TAF3: variants seen among roughly 807,000 people sequenced by gnomAD.
The protein encoded by TAF3 is transcription initiation factor TFIID subunit 3.
TAF3 carries 7 observed loss-of-function variants against 80.6 expected under a neutral mutation model. That is an observed-to-expected ratio of 0.09 (90% CI 0.05 to 0.16). TAF3 has a LOEUF of 0.16. Ranked by LOEUF, TAF3 falls within the 10% of genes least tolerant of loss-of-function variation. The pLI is 1.00. For missense variants in TAF3, 921 were observed against 1,140.2 expected, an observed-to-expected ratio of 0.81 and a Z score of 2.77; for synonymous variants, 444 against 446.1, an observed-to-expected ratio of 1.00 and a Z score of 0.06.
chr10:7,896,289 G>A (rs541835643), intron 2 of TAF3, among the ~76,000 whole-genome samples: 49 of 152,258 alleles, frequency 3.2e-4, no homozygotes, highest in Non-Finnish European at 5.6e-4. Flanking sequence ...GGGGGAAAAC[G>A]TAGACCAAAA....
intron 4 of TAF3, among the ~76,000 whole-genome samples, chr10:7,989,424 A>G (rs994638832): frequency 6.6e-6 from 1 of 152,188 alleles, no homozygotes; most frequent in East Asian, 1.9e-4. Flanking sequence ...GTTTACTTAT[A>G]TATATTTCAC....
At chr10:7,892,282 G>A (rs1336618733) in intron 2 of TAF3, among the ~76,000 whole-genome samples, 3 of 152,196 alleles carry the variant, frequency 2.0e-5, no homozygotes, top group Non-Finnish European at 4.4e-5. Flanking sequence ...TTTAGCATGT[G>A]CTGCCTGTTG....
At chr10:7,928,636 G>A (rs967618926) in intron 2 of TAF3, among the ~76,000 whole-genome samples, 1 of 152,134 alleles carries the variant, frequency 6.6e-6, no homozygotes, top group Non-Finnish European at 1.5e-5. Flanking sequence ...TTGTGTTGGC[G>A]ATTTAGAACA....
intron 2 of TAF3, among the ~76,000 whole-genome samples, chr10:7,832,067 A>C (rs1836806946): frequency 6.6e-6 from 1 of 152,150 alleles, no homozygotes; most frequent in Non-Finnish European, 1.5e-5. Context: ...TACTCTCTTA[A>C]TGATTTTCAA....
At chr10:7,874,590 A>G (rs1837297284) in intron 2 of TAF3, among the ~76,000 whole-genome samples, 1 of 151,990 alleles carries the variant, frequency 6.6e-6, no homozygotes, top group Non-Finnish European at 1.5e-5. Flanking sequence ...AAAATATCCT[A>G]AACATTTTCA....
intron 2 of TAF3, among the ~76,000 whole-genome samples, chr10:7,874,774 C>T (rs1282411371): frequency 6.6e-6 from 1 of 151,212 alleles, no homozygotes; most frequent in East Asian, 1.9e-4. Flanking sequence ...CATTTCTTTT[C>T]TTTTCTAGGT....
intron 2 of TAF3, among the ~76,000 whole-genome samples, chr10:7,859,551 C>T (rs1837122896): frequency 6.6e-6 from 1 of 152,140 alleles, no homozygotes; most frequent in Non-Finnish European, 1.5e-5. Context: ...GTTTCACCTC[C>T]TCCATTCCTA....
At chr10:7,998,399 G>T (rs1235723605) in intron 4 of TAF3, among the ~76,000 whole-genome samples, 1 of 151,734 alleles carries the variant, frequency 6.6e-6, no homozygotes, top group Non-Finnish European at 1.5e-5. Flanking sequence ...TGAAAAAAAT[G>T]AGAACATATG....
intron 2 of TAF3, among the ~76,000 whole-genome samples, chr10:7,948,461 A>G (rs1838048429): frequency 6.6e-6 from 1 of 152,180 alleles, no homozygotes; most frequent in Non-Finnish European, 1.5e-5. Context: ...TCATAGATGG[A>G]TGAACTGTTC....
At chr10:7,855,595 C>T (rs926679832) in intron 2 of TAF3, among the ~76,000 whole-genome samples, 8 of 152,124 alleles carry the variant, frequency 5.3e-5, no homozygotes, top group Non-Finnish European at 7.4e-5. Context: ...TAGCTCAATC[C>T]GATTCCTCTA....
intron 4 of TAF3, among the ~76,000 whole-genome samples, chr10:8,001,840 A>T (rs547409601): frequency 1.3e-5 from 2 of 152,298 alleles, no homozygotes; most frequent in East Asian, 3.9e-4. Context: ...CACATGCGTA[A>T]TTATTGCATA....
chr10:7,966,388 C>A (rs1315461643), intron 3 of TAF3, among the ~76,000 whole-genome samples: 2 of 152,162 alleles, frequency 1.3e-5, no homozygotes, highest in African/African-American at 2.4e-5. Context: ...AAATGTTTGA[C>A]CATCTCAGTA....
At chr10:7,845,721 C>G (rs956875335) in intron 2 of TAF3, among the ~76,000 whole-genome samples, 15 of 152,200 alleles carry the variant, frequency 9.9e-5, no homozygotes, top group African/African-American at 3.4e-4. Context: ...GCTGTATAAT[C>G]TCAGCATCAT....
chr10:7,971,312 C>G (rs1376278664), intron 3 of TAF3, among the ~76,000 whole-genome samples: 1 of 152,154 alleles, frequency 6.6e-6, no homozygotes, highest in African/African-American at 2.4e-5. Context: ...AGCCATAGTT[C>G]AGCATCCAAA....
chr10:7,889,097 T>G (rs1373361274), intron 2 of TAF3, among the ~76,000 whole-genome samples: 1 of 152,212 alleles, frequency 6.6e-6, no homozygotes, highest in Non-Finnish European at 1.5e-5. Context: ...TTTATTTACT[T>G]CATATCCTTG....
At chr10:7,921,999 T>G (rs1837767130) in intron 2 of TAF3, among the ~76,000 whole-genome samples, 1 of 152,116 alleles carries the variant, frequency 6.6e-6, no homozygotes. Context: ...TCTCCAAGAA[T>G]CACAAATTTT....
chr10:7,819,162 ATCTC>A (rs997465786), intron 1 of TAF3, among the ~76,000 whole-genome samples: 1 of 150,940 alleles, frequency 6.6e-6, no homozygotes, highest in Non-Finnish European at 1.5e-5. Flanking sequence ...TTGTGTCTGG[ATCTC>A]TCTCATTGTC....
At chr10:8,007,821 T>C (rs1832011562) in intron 4 of TAF3, among the ~76,000 whole-genome samples, 1 of 151,762 alleles carries the variant, frequency 6.6e-6, no homozygotes. Flanking sequence ...CTCTAACTTC[T>C]TATAGGTCCT....
At chr10:7,960,950 G>A (rs1327837485) in intron 2 of TAF3, among the ~76,000 whole-genome samples, 2 of 152,130 alleles carry the variant, frequency 1.3e-5, no homozygotes, top group Non-Finnish European at 2.9e-5. Flanking sequence ...AATTTCCAAG[G>A]GATGCCTTTT....
Sources: gnomAD v4.1 joint callset for allele counts (sites outside exome capture counted in the v4.1 genomes callset) on GRCh38, gnomAD v4.1.1 for gene constraint, MANE v1.5 for transcripts, NCBI Gene and HGNC (gene_info 2026-07-23, HGNC 2026-07-21) for gene names.